GRM7: variants seen among roughly 807,000 people sequenced by gnomAD.
GRM7 encodes metabotropic glutamate receptor 7.
GRM7 carries 35 observed loss-of-function variants against 84.5 expected under a neutral mutation model. The ratio of observed to expected loss-of-function variants is 0.41; its 90% CI spans 0.32 to 0.55. GRM7 has a LOEUF of 0.55. GRM7 is among the 20% of genes least tolerant of loss of function. The pLI is 0.19. For synonymous variants in GRM7, 487 were observed against 455.1 expected, an observed-to-expected ratio of 1.07 and a Z score of -0.89; for missense variants, 1,003 against 1,194.6, an observed-to-expected ratio of 0.84 and a Z score of 2.36.
At chr3:7,073,920 G>C (rs1383637980) in intron 1 of GRM7, among the ~76,000 whole-genome samples, 5 of 152,014 alleles carry the variant, frequency 3.3e-5, no homozygotes, top group African/African-American at 9.7e-5. Context: ...CTTATTGCTG[G>C]ATTTTTAAAA....
At chr3:7,358,828 A>G (rs957097702) in intron 4 of GRM7, among the ~76,000 whole-genome samples, 3 of 152,080 alleles carry the variant, frequency 2.0e-5, no homozygotes, top group Non-Finnish European at 2.9e-5. Flanking sequence ...AAACTTAGAG[A>G]ATTTCCTGGA....
intron 7 of GRM7, among the ~76,000 whole-genome samples, chr3:7,535,805 T>G (rs1455638140): frequency 1.3e-5 from 2 of 152,194 alleles, no homozygotes; most frequent in Non-Finnish European, 2.9e-5. Flanking sequence ...AAAGGGGATT[T>G]AAATCCAGCC....
At chr3:7,535,086 T>C (rs1701191807) in intron 7 of GRM7, among the ~76,000 whole-genome samples, 2 of 152,184 alleles carry the variant, frequency 1.3e-5, no homozygotes, top group Admixed American at 1.3e-4. Flanking sequence ...GACGGATCAA[T>C]TGCCATTTCT....
chr3:7,073,191 T>C (rs184537453), intron 1 of GRM7, among the ~76,000 whole-genome samples: 3 of 152,070 alleles, frequency 2.0e-5, no homozygotes, highest in African/African-American at 7.2e-5. Flanking sequence ...TCCAAGGAGG[T>C]AGAGATCCTT....
At chr3:7,097,836 C>T (rs1184290368) in intron 1 of GRM7, among the ~76,000 whole-genome samples, 1 of 152,090 alleles carries the variant, frequency 6.6e-6, no homozygotes, top group Admixed American at 6.6e-5. Flanking sequence ...CTAATTGGAA[C>T]TTTTCCTCTT....
At chr3:6,940,235 G>T (rs1697840107) in intron 1 of GRM7, among the ~76,000 whole-genome samples, 1 of 152,024 alleles carries the variant, frequency 6.6e-6, no homozygotes, top group South Asian at 2.1e-4. Flanking sequence ...GGGACTACAG[G>T]TGCGCACCAC....
chr3:7,022,367 GCACACA>G (rs71307753), intron 1 of GRM7, among the ~76,000 whole-genome samples: 1 of 145,640 alleles, frequency 6.9e-6, no homozygotes, highest in Non-Finnish European at 1.5e-5. Flanking sequence ...ACACACACAT[GCACACA>G]CACACACACA....
At chr3:7,278,198 G>A (rs1699139054) in intron 2 of GRM7, among the ~76,000 whole-genome samples, 1 of 151,994 alleles carries the variant, frequency 6.6e-6, no homozygotes, top group Non-Finnish European at 1.5e-5. Flanking sequence ...TTTAATAGAA[G>A]ATGCCTTGAA....
intron 1 of GRM7, among the ~76,000 whole-genome samples, chr3:6,989,514 A>G (rs7612070): frequency 0.012 from 1,852 of 152,332 alleles, 41 homozygotes; most frequent in African/African-American, 0.042. Context: ...CTTATCTCAG[A>G]CTTTCTTCCT....
intron 1 of GRM7, among the ~76,000 whole-genome samples, chr3:6,985,172 A>G (rs2124841444): frequency 1.3e-5 from 2 of 152,318 alleles, no homozygotes; most frequent in Non-Finnish European, 2.9e-5. Flanking sequence ...AACATATCAC[A>G]GAGAATGGGG....
At chr3:7,192,629 G>C (rs1012473849) in intron 2 of GRM7, among the ~76,000 whole-genome samples, 2 of 152,032 alleles carry the variant, frequency 1.3e-5, no homozygotes, top group Admixed American at 6.6e-5. Context: ...CCTTCCTTCA[G>C]TTCCGATTTG....
At chr3:7,438,066 A>G (rs1438994769) in intron 5 of GRM7, among the ~76,000 whole-genome samples, 3 of 152,116 alleles carry the variant, frequency 2.0e-5, no homozygotes, top group Admixed American at 6.5e-5. Flanking sequence ...CTCGTAGACT[A>G]TGCTGAGGTT....
At chr3:7,201,246 G>A (rs1015998808) in intron 2 of GRM7, among the ~76,000 whole-genome samples, 10 of 151,944 alleles carry the variant, frequency 6.6e-5, no homozygotes, top group Admixed American at 2.0e-4. Context: ...TTAGAATATT[G>A]AGTTTCAGGG....
intron 5 of GRM7, among the ~76,000 whole-genome samples, chr3:7,422,975 C>G (rs1453395478): frequency 6.6e-6 from 1 of 152,128 alleles, no homozygotes; most frequent in Non-Finnish European, 1.5e-5. Flanking sequence ...TACTCACAAA[C>G]CTCATTTTCC....
chr3:7,566,107 T>TTTTTTTG (rs1694249744), intron 7 of GRM7, among the ~76,000 whole-genome samples: 1 of 8,070 alleles, frequency 1.2e-4, no homozygotes, highest in Non-Finnish European at 3.9e-4. Context: ...TCAGCTGTTT[T>TTTTTTTG]TTTTTTTTTT....
At chr3:7,338,443 A>C (rs903231426) in intron 4 of GRM7, among the ~76,000 whole-genome samples, 1 of 152,038 alleles carries the variant, frequency 6.6e-6, no homozygotes, top group Non-Finnish European at 1.5e-5. Context: ...ATTACCACTA[A>C]AGAACTTATT....
At chr3:7,467,218 T>C (rs1437150617) in intron 7 of GRM7, among the ~76,000 whole-genome samples, 1 of 152,024 alleles carries the variant, frequency 6.6e-6, no homozygotes, top group African/African-American at 2.4e-5. Context: ...CTCCTGAGTA[T>C]CTGGGACTAC....
At chr3:6,875,900 A>C (rs1280342586) in intron 1 of GRM7, among the ~76,000 whole-genome samples, 1 of 152,124 alleles carries the variant, frequency 6.6e-6, no homozygotes, top group Non-Finnish European at 1.5e-5. Context: ...AGACTATCTT[A>C]AAAGGGTTTA....
At chr3:6,947,557 T>C (rs112598517) in intron 1 of GRM7, among the ~76,000 whole-genome samples, 3,076 of 152,330 alleles carry the variant, frequency 0.02, 109 homozygotes, top group African/African-American at 0.07. Context: ...ATTAGGATGA[T>C]GCTGGCCTCA....
Sources: gnomAD v4.1 joint callset for allele counts (sites outside exome capture counted in the v4.1 genomes callset) on GRCh38, gnomAD v4.1.1 for gene constraint, MANE v1.5 for transcripts, NCBI Gene and HGNC (gene_info 2026-07-23, HGNC 2026-07-21) for gene names.